The following PAK6 variants were observed in gnomAD, a reference collection of about 807,000 sequenced individuals.
The protein encoded by PAK6 is p21 (RAC1) activated kinase 6.
A neutral mutation model predicts 60.8 loss-of-function variants in PAK6; 33 were observed. That is an observed-to-expected ratio of 0.54 (90% CI 0.41 to 0.73). The LOEUF is 0.73. PAK6 is among the 30% of genes least tolerant of loss of function. PAK6 has a pLI of 0.00. For synonymous variants in PAK6, 404 were observed against 378.5 expected, an observed-to-expected ratio of 1.07 and a Z score of -0.78; for missense variants, 845 against 904.1, an observed-to-expected ratio of 0.93 and a Z score of 0.84.
intron 3 of PAK6, among the ~76,000 whole-genome samples, chr15:40,254,111 G>A (rs1322023903): frequency 6.6e-6 from 1 of 152,162 alleles, no homozygotes; most frequent in Non-Finnish European, 1.5e-5. Context: ...AAGAGAGTGG[G>A]GTTTGAATCT....
At chr15:40,264,509 C>G in intron 3 of PAK6, 1 of 583,630 alleles carries the variant, frequency 1.7e-6, no homozygotes, top group Non-Finnish European at 3.2e-6. Context: ...TCTGCCTGCT[C>G]CATAGGGGAC....
intron 2 of PAK6, among the ~76,000 whole-genome samples, chr15:40,244,590 G>T (rs1007290971): frequency 2.6e-5 from 4 of 151,646 alleles, no homozygotes; most frequent in Admixed American, 1.3e-4. Context: ...TAGAGATGGG[G>T]TTTCACTATG....
chr15:40,272,630 G>C, exon 6 of PAK6: 1 of 1,610,382 alleles, frequency 6.2e-7, no homozygotes, highest in Non-Finnish European at 8.5e-7. Flanking sequence ...GGCATCGTCT[G>C]CTTGGCCCGG....
intron 2 of PAK6, chr15:40,245,413 A>G (rs911007180): frequency 6.6e-6 from 1 of 152,174 alleles, no homozygotes; most frequent in Admixed American, 6.5e-5. Context: ...AACCGGGAGG[A>G]CTGGTTCTGT....
At chr15:40,266,397 A>G in exon 5 of PAK6, 2 of 1,613,188 alleles carry the variant, frequency 1.2e-6, no homozygotes. Context: ...GACCCGGGAG[A>G]GCAGCCTGAA....
chr15:40,253,976 G>A (rs868308547), intron 3 of PAK6, among the ~76,000 whole-genome samples: 3 of 152,194 alleles, frequency 2.0e-5, no homozygotes, highest in Non-Finnish European at 4.4e-5. Flanking sequence ...GGTGGCCGGT[G>A]TGGCATAGGT....
At chr15:40,266,577 G>C in intron 5 of PAK6, 82 bp downstream of exon 5, 1 of 1,363,770 alleles carries the variant, frequency 7.3e-7, no homozygotes. Context: ...CCCCTTGGAG[G>C]ACTGGCAAAG....
At chr15:40,264,500 C>G (rs1411827496) in intron 3 of PAK6, 4 of 570,000 alleles carry the variant, frequency 7.0e-6, no homozygotes, top group Non-Finnish European at 1.3e-5. Context: ...CCCCCAGAGT[C>G]TGCCTGCTCC....
chr15:40,242,406 C>T (rs994479283), intron 2 of PAK6, among the ~76,000 whole-genome samples: 2 of 152,230 alleles, frequency 1.3e-5, no homozygotes, highest in South Asian at 2.1e-4. Flanking sequence ...AAGATGCGCT[C>T]GTCGCCCTGA....
intron 5 of PAK6, among the ~76,000 whole-genome samples, chr15:40,271,392 G>A (rs574524271): frequency 3.7e-4 from 57 of 152,254 alleles, no homozygotes; most frequent in Non-Finnish European, 6.6e-4. Context: ...AATGAGGATA[G>A]GCCCCCTACC....
intron 2 of PAK6, among the ~76,000 whole-genome samples, chr15:40,241,025 A>C (rs1260707734): frequency 6.6e-6 from 1 of 152,054 alleles, no homozygotes; most frequent in South Asian, 2.1e-4. Context: ...TCATTCCACA[A>C]ATATTTAGGG....
intron 3 of PAK6, chr15:40,259,956 G>A (rs1381146791): frequency 6.6e-6 from 1 of 152,118 alleles, no homozygotes; most frequent in African/African-American, 2.4e-5. Flanking sequence ...AATAGCCATT[G>A]TATTCACACT....
intron 3 of PAK6, among the ~76,000 whole-genome samples, chr15:40,253,726 C>T (rs971017823): frequency 2.6e-5 from 4 of 152,136 alleles, no homozygotes; most frequent in East Asian, 1.9e-4. Flanking sequence ...GTGAAGCTGC[C>T]GCTCCACACA....
intron 3 of PAK6, chr15:40,264,465 G>A: frequency 2.0e-6 from 1 of 510,078 alleles, no homozygotes; most frequent in Non-Finnish European, 3.8e-6. Context: ...TACTTGTAAT[G>A]GGCTTTGGAT....
chr15:40,265,102 T>A, intron 4 of PAK6, 113 bp downstream of exon 4: 1 of 961,906 alleles, frequency 1.0e-6, no homozygotes, highest in Non-Finnish European at 1.5e-6. Context: ...AGCTATCAGT[T>A]AATCAGCTGT....
intron 2 of PAK6, among the ~76,000 whole-genome samples, chr15:40,242,255 G>T (rs537429673): frequency 1.3e-5 from 2 of 152,332 alleles, no homozygotes; most frequent in East Asian, 3.9e-4. Flanking sequence ...ACTGGGCAGG[G>T]AAGAGGCTAA....
At chr15:40,274,085 G>A (rs367906463) in intron 9 of PAK6, 57 bp from the exon 10 acceptor site, 44 of 1,602,252 alleles carry the variant, frequency 2.7e-5, no homozygotes, top group South Asian at 2.7e-4. Context: ...CCACCAGAAC[G>A]CAGCTACCAA....
intron 3 of PAK6, among the ~76,000 whole-genome samples, chr15:40,260,849 G>C (rs1391358443): frequency 2.0e-5 from 3 of 151,796 alleles, no homozygotes; most frequent in South Asian, 2.1e-4. Flanking sequence ...ATTTATTCTA[G>C]ATATTTTGTA....
intron 2 of PAK6, chr15:40,252,525 A>T: frequency 7.3e-7 from 1 of 1,362,940 alleles, no homozygotes; most frequent in Non-Finnish European, 9.8e-7. Flanking sequence ...GCCGCGTCCT[A>T]CCTGAGGCCA....
Sources: gnomAD v4.1 joint callset for allele counts (sites outside exome capture counted in the v4.1 genomes callset) on GRCh38, gnomAD v4.1.1 for gene constraint, MANE v1.5 for transcripts, NCBI Gene and HGNC (gene_info 2026-07-23, HGNC 2026-07-21) for gene names.